KALRN: variants seen among roughly 807,000 people sequenced by gnomAD.
KALRN encodes kalirin.
Under a neutral mutation model 353.7 loss-of-function variants are expected in KALRN, and 70 were observed. That is an observed-to-expected ratio of 0.20 (90% CI 0.16 to 0.24). The LOEUF (loss-of-function observed/expected upper bound fraction) is 0.24. KALRN is among the 10% of genes least tolerant of loss of function. The pLI, the probability that KALRN is intolerant of heterozygous loss-of-function variation, is 1.00. For synonymous variants in KALRN, 1,391 were observed against 1,434.8 expected, an observed-to-expected ratio of 0.97 and a Z score of 0.69; for missense variants, 2,791 against 3,756.7, an observed-to-expected ratio of 0.74 and a Z score of 6.72.
At chr3:124,167,246 T>A (rs1323927526) in intron 1 of KALRN, among the ~76,000 whole-genome samples, 1 of 152,192 alleles carries the variant, frequency 6.6e-6, no homozygotes, top group Non-Finnish European at 1.5e-5. Flanking sequence ...TTGGCTCCTG[T>A]TAAGCAGGAG....
chr3:124,128,289 A>G (rs2064907043), intron 1 of KALRN, among the ~76,000 whole-genome samples: 1 of 152,194 alleles, frequency 6.6e-6, no homozygotes, highest in South Asian at 2.1e-4. Context: ...ATATTGAGAC[A>G]TTGATGCTTT....
chr3:124,298,205 G>T (rs2076993779), intron 5 of KALRN, among the ~76,000 whole-genome samples: 1 of 152,146 alleles, frequency 6.6e-6, no homozygotes, highest in Non-Finnish European at 1.5e-5. Flanking sequence ...TGCCCACTGT[G>T]CTAGCACCAG....
intron 1 of KALRN, among the ~76,000 whole-genome samples, chr3:124,190,817 A>G (rs1313516842): frequency 6.6e-6 from 1 of 152,172 alleles, no homozygotes; most frequent in African/African-American, 2.4e-5. Context: ...GCAGACACCA[A>G]CTGGGTGCCC....
intron 9 of KALRN, among the ~76,000 whole-genome samples, chr3:124,338,077 C>T (rs189104846): frequency 7.6e-4 from 115 of 152,010 alleles, no homozygotes; most frequent in African/African-American, 2.7e-3. Context: ...TTAATCTTTT[C>T]GAAAATCAGC....
chr3:124,248,627 C>T (rs191021536), intron 3 of KALRN, among the ~76,000 whole-genome samples: 2 of 152,340 alleles, frequency 1.3e-5, no homozygotes, highest in African/African-American at 2.4e-5. Context: ...AATTTACTGA[C>T]GTAATTCAAG....
At chr3:124,547,645 T>C (rs76438277) in intron 33 of KALRN, among the ~76,000 whole-genome samples, 2,597 of 152,070 alleles carry the variant, frequency 0.017, 71 homozygotes, top group African/African-American at 0.058. Context: ...GAATCCAATA[T>C]ATTGCCTGTA....
rs117549423 is a variant in KALRN at position 124,612,718 on chromosome 3, C to T, written c.5183-19702C>T. On this transcript the variant is annotated intron_variant, in intron 34 of 59. Coordinates refer to ENST00000682506, the MANE Select transcript of KALRN (RefSeq NM_001388419.1). ...GTTAGTTTCTTATCTGACTCCCTCT[C>T]TACCCTAACTAGAATGACAAGTTTC... is the stretch of plus-strand genomic sequence containing the variant. Among the ~76,000 whole-genome samples the T allele has an allele frequency of 3.0e-3, 461 of 152,248 alleles. 8 individuals carry two copies. The highest frequency in any genetic ancestry group is 0.022 in the Admixed American group (341 of 15,268).
At chr3:124,512,147 T>C (rs1342589006) in intron 33 of KALRN, among the ~76,000 whole-genome samples, 1 of 152,248 alleles carries the variant, frequency 6.6e-6, no homozygotes, top group East Asian at 1.9e-4. Flanking sequence ...ATATACTCTG[T>C]AAGAAGTATT....
intron 33 of KALRN, among the ~76,000 whole-genome samples, chr3:124,535,968 G>A (rs1365133139): frequency 6.6e-6 from 1 of 152,114 alleles, no homozygotes; most frequent in South Asian, 2.1e-4. Flanking sequence ...AAGGGAAAAT[G>A]TGCCATCCCC....
chr3:124,320,474 T>G (rs2079215887), intron 6 of KALRN, among the ~76,000 whole-genome samples: 2 of 152,332 alleles, frequency 1.3e-5, no homozygotes, highest in Admixed American at 1.3e-4. Context: ...ACAAGTCACG[T>G]TGCCCATAGA....
At chr3:124,055,696 C>T (rs1026705048) in intron 1 of KALRN, among the ~76,000 whole-genome samples, 1 of 152,178 alleles carries the variant, frequency 6.6e-6, no homozygotes, top group African/African-American at 2.4e-5. Context: ...CGATCACATG[C>T]TACTTTAGGT....
Position 124,430,701 on chromosome 3 carries a change from C to T in KALRN, c.2755C>T (p.Leu919=), listed in dbSNP as rs1052169762. 2 of 1,614,092 alleles carry T rather than the reference C, an allele frequency of 1.2e-6. No homozygotes were observed. The highest frequency in any genetic ancestry group is 2.7e-5 in the African/African-American group (2 of 74,950). The change falls in exon 16 of 60, where the codon CTG becomes TTG. Residue 919 remains leucine, a synonymous_variant. Coordinates refer to ENST00000682506, the MANE Select transcript of KALRN (RefSeq NM_001388419.1). ...TGGAGAGTCAATGCTCAACGCCAGC[C>T]TGGTCAATGCCAGCTCTTTGTCGGA... ...RNGESMLNAS[L]VNASSLSEAE... is the part of the protein sequence containing the mutation.
intron 3 of KALRN, among the ~76,000 whole-genome samples, chr3:124,263,785 A>C (rs996701991): frequency 6.6e-6 from 1 of 152,144 alleles, no homozygotes; most frequent in Non-Finnish European, 1.5e-5. Flanking sequence ...AGTGCCTGTC[A>C]CTGATGTGAG....
chr3:124,398,686 C>T lies in KALRN; in HGVS notation c.2172-11C>T, dbSNP rs149828593. On this transcript the variant is annotated splice_polypyrimidine_tract_variant and intron_variant, in intron 12 of 59. Transcript: ENST00000682506. ...CCTCTCCCTCCCTTTTTTCTCCCCA[C>T]TCTGCCACAGGGACTCGGCTGTGTC... is the stretch of plus-strand genomic sequence containing the variant. The T allele has an allele frequency of 1.2e-6, 2 of 1,613,848 alleles. No individual in the cohort carries two copies. Among genetic ancestry groups the T allele is most frequent in the African/African-American group, 2.7e-5 (2 of 74,994 alleles).
At chr3:124,459,710 A>G (rs968325324) in intron 23 of KALRN, among the ~76,000 whole-genome samples, 2 of 152,342 alleles carry the variant, frequency 1.3e-5, no homozygotes, top group Non-Finnish European at 1.5e-5. Flanking sequence ...AGGACTTTAT[A>G]AAGAATATTT....
intron 7 of KALRN, among the ~76,000 whole-genome samples, chr3:124,326,823 C>T (rs1043847677): frequency 2.0e-5 from 3 of 152,124 alleles, no homozygotes; most frequent in Non-Finnish European, 4.4e-5. Context: ...TTGTCACATT[C>T]TAGCTATTGC....
chr3:124,255,970 T>C (rs2071912278), intron 3 of KALRN, among the ~76,000 whole-genome samples: 1 of 152,176 alleles, frequency 6.6e-6, no homozygotes, highest in Non-Finnish European at 1.5e-5. Flanking sequence ...AGGAGATTGC[T>C]CTGACAGAGG....
At chr3:124,506,813 A>G (rs1433818318) in intron 33 of KALRN, among the ~76,000 whole-genome samples, 7 of 152,264 alleles carry the variant, frequency 4.6e-5, no homozygotes, top group Non-Finnish European at 1.0e-4. Context: ...CATGGAAAAC[A>G]GATTGGCTTA....
intron 28 of KALRN, among the ~76,000 whole-genome samples, chr3:124,485,087 C>T (rs115659091): frequency 0.029 from 4,346 of 152,150 alleles, 200 homozygotes; most frequent in African/African-American, 0.099. Flanking sequence ...CAGGGTGAGA[C>T]TCCGTCTCAA....
Sources: allele counts gnomAD v4.1 joint callset (sites outside exome capture counted in the v4.1 genomes callset), GRCh38; gene constraint gnomAD v4.1.1; transcripts MANE v1.5; gene names NCBI Gene and HGNC (gene_info 2026-07-23, HGNC 2026-07-21).